CSMD1: variants seen among roughly 807,000 people sequenced by gnomAD.
CSMD1 encodes the protein CUB and sushi domain-containing protein 1.
A neutral mutation model predicts 417.5 loss-of-function variants in CSMD1; 213 were observed. The observed-to-expected ratio is 0.51, with a 90% CI of 0.46 to 0.57. The LOEUF is 0.57. CSMD1 is among the 20% of genes least tolerant of loss of function. CSMD1 has a pLI of 0.00. For synonymous variants in CSMD1, 2,862 were observed against 1,736.8 expected (o/e 1.65, Z -16.11); for missense variants, 6,923 against 4,529.7 (o/e 1.53, Z -15.17).
chr8:3,446,515 A>C (rs1004381750), intron 12 of CSMD1, among the ~76,000 whole-genome samples: 1 of 152,218 alleles, frequency 6.6e-6, no homozygotes, highest in Non-Finnish European at 1.5e-5. Flanking sequence ...GTCATGCTAG[A>C]AACAAAAAGC....
intron 25 of CSMD1, among the ~76,000 whole-genome samples, chr8:3,306,192 T>C (rs968701609): frequency 2.0e-5 from 3 of 152,246 alleles, no homozygotes; most frequent in African/African-American, 7.2e-5. Flanking sequence ...GATATCTATG[T>C]GTAATACACA....
At chr8:3,820,430 G>C (rs950009740) in intron 5 of CSMD1, among the ~76,000 whole-genome samples, 1 of 152,166 alleles carries the variant, frequency 6.6e-6, no homozygotes, top group Non-Finnish European at 1.5e-5. Flanking sequence ...CCTACACAGG[G>C]TCAGGACAAT....
chr8:4,847,720 C>T (rs546058993), intron 1 of CSMD1, among the ~76,000 whole-genome samples: 2 of 151,594 alleles, frequency 1.3e-5, no homozygotes, highest in African/African-American at 4.8e-5. Flanking sequence ...TTCACGCCTA[C>T]CTTGACAGTT....
intron 5 of CSMD1, among the ~76,000 whole-genome samples, chr8:3,940,936 C>T (rs771356436): frequency 1.7e-4 from 25 of 150,418 alleles, no homozygotes; most frequent in Non-Finnish European, 3.0e-4. Flanking sequence ...TGTATTTGTC[C>T]ATATTTTACA....
intron 47 of CSMD1, among the ~76,000 whole-genome samples, chr8:3,096,542 T>C (rs1815311798): frequency 6.6e-6 from 1 of 152,190 alleles, no homozygotes; most frequent in Middle Eastern, 3.2e-3. Flanking sequence ...CCTCCATGAT[T>C]GTGAGGTCTC....
At chr8:4,915,594 G>C (rs1316529428) in intron 1 of CSMD1, among the ~76,000 whole-genome samples, 1 of 152,188 alleles carries the variant, frequency 6.6e-6, no homozygotes, top group African/African-American at 2.4e-5. Context: ...GACAGCTGGG[G>C]GACTGTTGCA....
chr8:4,876,800 C>A (rs958515144), intron 1 of CSMD1, among the ~76,000 whole-genome samples: 15 of 151,848 alleles, frequency 9.9e-5, no homozygotes, highest in African/African-American at 3.6e-4. Flanking sequence ...TTTATTTTTC[C>A]TTCTCAGATC....
chr8:3,968,224 A>T (rs1372047879), intron 5 of CSMD1, among the ~76,000 whole-genome samples: 4 of 151,736 alleles, frequency 2.6e-5, no homozygotes, highest in African/African-American at 4.8e-5. Context: ...ATAAAAAACA[A>T]TGTGCCATAA....
At chr8:3,024,089 CTT>C (rs2128973319) in intron 51 of CSMD1, among the ~76,000 whole-genome samples, 1 of 151,980 alleles carries the variant, frequency 6.6e-6, no homozygotes, top group African/African-American at 2.4e-5. Context: ...TTATCACACA[CTT>C]ATTTAATAGT....
chr8:4,424,268 A>G (rs1400476319), intron 2 of CSMD1, among the ~76,000 whole-genome samples: 3 of 152,178 alleles, frequency 2.0e-5, no homozygotes, highest in African/African-American at 7.2e-5. Flanking sequence ...GCAGACTGGG[A>G]AAACACATTC....
intron 1 of CSMD1, among the ~76,000 whole-genome samples, chr8:4,830,812 T>C (rs1314494055): frequency 6.6e-6 from 1 of 152,066 alleles, no homozygotes; most frequent in Admixed American, 6.6e-5. Flanking sequence ...GAGGTTAATG[T>C]GGAATGAGCA....
intron 21 of CSMD1, 25 bp from the exon 22 acceptor site, chr8:3,348,186 A>C (rs1269034648): frequency 1.9e-6 from 3 of 1,586,334 alleles, no homozygotes; most frequent in South Asian, 1.2e-5. Flanking sequence ...ACATGAGAGA[A>C]AGAGGATTCA....
intron 1 of CSMD1, among the ~76,000 whole-genome samples, chr8:4,804,250 A>G (rs1273265153): frequency 6.6e-6 from 1 of 152,228 alleles, no homozygotes; most frequent in Non-Finnish European, 1.5e-5. Context: ...CTAAAGCTCC[A>G]GGAAAATAAG....
chr8:4,259,252 C>T (rs1346186287), intron 3 of CSMD1, among the ~76,000 whole-genome samples: 2 of 152,124 alleles, frequency 1.3e-5, no homozygotes, highest in Non-Finnish European at 2.9e-5. Flanking sequence ...ACAATCTTTT[C>T]CTAAACAAGC....
chr8:3,051,710 G>C (rs888732931), intron 50 of CSMD1, among the ~76,000 whole-genome samples: 1 of 152,090 alleles, frequency 6.6e-6, no homozygotes, highest in African/African-American at 2.4e-5. Context: ...ATACAGAAAT[G>C]TTATATAGTT....
At chr8:4,036,227 T>C (rs191290940) in intron 3 of CSMD1, among the ~76,000 whole-genome samples, 88 of 152,294 alleles carry the variant, frequency 5.8e-4, no homozygotes, top group African/African-American at 2.0e-3. Context: ...TTTCTCAGAA[T>C]GCATCCCAGT....
intron 3 of CSMD1, among the ~76,000 whole-genome samples, chr8:4,378,028 C>G (rs920943444): frequency 3.9e-5 from 6 of 152,178 alleles, no homozygotes; most frequent in Admixed American, 3.3e-4. Context: ...TGTATTCCCT[C>G]TAATATACAG....
chr8:4,868,027 T>C (rs896182561), intron 1 of CSMD1, among the ~76,000 whole-genome samples: 4 of 152,224 alleles, frequency 2.6e-5, no homozygotes, highest in East Asian at 1.9e-4. Flanking sequence ...GAAATGGCTC[T>C]TGAAAAATCA....
At chr8:4,723,123 C>T (rs1239854088) in intron 1 of CSMD1, among the ~76,000 whole-genome samples, 3 of 152,118 alleles carry the variant, frequency 2.0e-5, no homozygotes, top group Non-Finnish European at 2.9e-5. Flanking sequence ...GTACACCTAA[C>T]ACCATTAAAA....
Sources: gnomAD v4.1 joint callset for allele counts (sites outside exome capture counted in the v4.1 genomes callset) on GRCh38, gnomAD v4.1.1 for gene constraint, MANE v1.5 for transcripts, NCBI Gene and HGNC (gene_info 2026-07-23, HGNC 2026-07-21) for gene names.